The following MEGF10 variants were observed in gnomAD, a reference collection of about 807,000 sequenced individuals.
The protein encoded by MEGF10 is multiple EGF like domains 10.
A neutral mutation model predicts 147.5 loss-of-function variants in MEGF10; 86 were observed. That is an observed-to-expected ratio of 0.58 (90% CI 0.49 to 0.70). The LOEUF (loss-of-function observed/expected upper bound fraction) is 0.70, where lower values mean the gene tolerates loss of function less well. MEGF10 is among the 30% of genes least tolerant of loss of function. The probability of loss-of-function intolerance (pLI) is 0.00; values close to 1 mark genes in which losing one functional copy is unlikely to be tolerated. For missense variants in MEGF10, 1,329 were observed against 1,487.3 expected, an observed-to-expected ratio of 0.89 and a Z score of 1.75; for synonymous variants, 478 against 525.5, an observed-to-expected ratio of 0.91 and a Z score of 1.24.
chr5:127,301,074 A>G (rs1759744686), intron 1 of MEGF10, among the ~76,000 whole-genome samples: 1 of 152,152 alleles, frequency 6.6e-6, no homozygotes, highest in African/African-American at 2.4e-5. Context: ...TAATAGTGGA[A>G]TGCTTTGTTT....
chr5:127,456,602 GC>G (rs1766371675), intron 24 of MEGF10, among the ~76,000 whole-genome samples: 1 of 152,118 alleles, frequency 6.6e-6, no homozygotes, highest in Non-Finnish European at 1.5e-5. Context: ...TATTAAGACA[GC>G]TTTTTAAAAT....
In MEGF10 at chr5:127,457,392, T is replaced by A. The variant is rs186771376; in HGVS notation, c.*74T>A. 4 of 1,487,888 alleles carry A rather than the reference T, an allele frequency of 2.7e-6. No homozygotes were observed. The highest frequency in any genetic ancestry group is 4.6e-5 in the Admixed American group (2 of 43,792). The allele number at this position is 1,487,888 out of a possible 1,614,324, so 92.2% of individuals were successfully genotyped here. On this transcript the variant is annotated 3_prime_UTR_variant, in exon 25 of 25. Transcript: ENST00000503335. ...TTTGGTTCTTCTCCATCCTCAATTT[T>A]GCCACTTTCATGTGAATGTTAGTCA...
rs1358052594 is a variant in MEGF10 at position 127,345,390 on chromosome 5, T to G, written c.319+4760T>G. Among the ~76,000 whole-genome samples the G allele has an allele frequency of 3.3e-5, 5 of 152,116 alleles. No homozygotes were observed. The East Asian group carries it at 9.6e-4, about 29-fold the overall frequency. ...GAACTCCTGGTCCACAGAGCAGACT[T>G]TGACTAACAAGGCTGTCTGTCCGAA... On this transcript the variant is annotated intron_variant, in intron 4 of 24. Coordinates refer to ENST00000503335, the MANE Select transcript of MEGF10 (RefSeq NM_001256545.2).
chr5:127,451,495 T>A (rs1459202336), intron 22 of MEGF10, among the ~76,000 whole-genome samples: 2 of 152,212 alleles, frequency 1.3e-5, no homozygotes, highest in Non-Finnish European at 2.9e-5. Context: ...ATTGGTAACA[T>A]CATCTAACAT....
rs779006550 is a variant in MEGF10, at chr5:127,435,359, AGT to A, written c.1979_1980del (p.Cys660SerfsTer22). 2.5e-6 allele frequency: 4 copies of A among 1,613,888 alleles called. No homozygotes were observed. The South Asian group carries it at 4.4e-5, about 18-fold the overall frequency. On this transcript the variant is annotated splice_acceptor_variant and coding_sequence_variant, in exon 16 of 25. Transcript: ENST00000503335. LOFTEE classifies it high-confidence loss of function. ...AGTTACTGACCTATAGCTTATTCAC[AGT>A]GTGTCCCAGTGGCAGATTTGGGAAA...
intron 5 of MEGF10, among the ~76,000 whole-genome samples, chr5:127,381,099 G>A (rs1360198825): frequency 6.6e-6 from 1 of 152,178 alleles, no homozygotes; most frequent in African/African-American, 2.4e-5. Flanking sequence ...TAACAATTTT[G>A]CTATCTAAAC....
chr5:127,350,560 C>T (rs902860897), intron 4 of MEGF10, among the ~76,000 whole-genome samples: 3 of 151,946 alleles, frequency 2.0e-5, no homozygotes, highest in African/African-American at 7.3e-5. Context: ...TTCTAAGCAG[C>T]AGGCACACCG....
At chr5:127,238,029 C>CTATATATATA in the MEGF10 span, among the ~76,000 whole-genome samples, 354 of 139,090 alleles carry the variant, frequency 2.5e-3, 2 homozygotes, top group East Asian at 0.018. Context: ...AAACTTCAGA[C>CTATATATATA]TATATATATA....
chr5:127,386,834 C>T (rs1249299134), intron 5 of MEGF10, among the ~76,000 whole-genome samples: 1 of 152,188 alleles, frequency 6.6e-6, no homozygotes, highest in Non-Finnish European at 1.5e-5. Context: ...GCTGGGACAT[C>T]CCAATGTGCA....
the MEGF10 span, among the ~76,000 whole-genome samples, chr5:127,248,351 G>A: frequency 6.6e-6 from 1 of 151,932 alleles, no homozygotes; most frequent in Non-Finnish European, 1.5e-5. Flanking sequence ...TAGAGGCAAA[G>A]AACCAGGAAA....
intron 16 of MEGF10, among the ~76,000 whole-genome samples, chr5:127,436,771 G>A (rs1411220864): frequency 6.6e-6 from 1 of 152,164 alleles, no homozygotes; most frequent in East Asian, 1.9e-4. Context: ...TTTGGCAAAA[G>A]CCTTTGCTTC....
chr5:127,445,363 C>G (rs867923146), intron 19 of MEGF10, 94 bp from the exon 20 acceptor site: 4 of 839,054 alleles, frequency 4.8e-6, no homozygotes, highest in Middle Eastern at 2.6e-4. Flanking sequence ...TGAAAATATG[C>G]AGGCATTAGC....
At chr5:127,317,381 A>G (rs1176592085) in intron 1 of MEGF10, among the ~76,000 whole-genome samples, 1 of 152,206 alleles carries the variant, frequency 6.6e-6, no homozygotes, top group African/African-American at 2.4e-5. Flanking sequence ...TGTTTTAGTC[A>G]TGAAGTCTGT....
intron 1 of MEGF10, among the ~76,000 whole-genome samples, chr5:127,311,868 A>T (rs2126740414): frequency 6.6e-6 from 1 of 152,270 alleles, no homozygotes; most frequent in Middle Eastern, 3.4e-3. Context: ...TCGTTTGGTG[A>T]TGGTCTTCAA....
At chr5:127,372,884 C>CT (rs1208369924) in intron 5 of MEGF10, among the ~76,000 whole-genome samples, 2 of 152,188 alleles carry the variant, frequency 1.3e-5, no homozygotes, top group East Asian at 3.9e-4. Context: ...CCTTTCTGTA[C>CT]TCTACTCTGC....
chr5:127,260,953 G>A, the MEGF10 span, among the ~76,000 whole-genome samples: 1 of 152,140 alleles, frequency 6.6e-6, no homozygotes, highest in African/African-American at 2.4e-5. Context: ...GTAGGAACAG[G>A]AACTGTAGTG....
chr5:127,346,597 G>T (rs1245877406), intron 4 of MEGF10, among the ~76,000 whole-genome samples: 1 of 152,134 alleles, frequency 6.6e-6, no homozygotes, highest in Non-Finnish European at 1.5e-5. Context: ...GCTCCTCGTA[G>T]ATTCTGAATA....
chr5:127,443,030 C>A lies in MEGF10; in HGVS notation c.2395C>A (p.Arg799Ser). ...TTCAGGAACATATGGCTATGGCTGT[C>A]GCCAGATATGTGATTGTCTGAACAA... ...CPSGTYGYGC[R>S]QICDCLNNST... Residue 799 changes from arginine to serine, a missense_variant, in exon 19 of 25, where the codon CGC (arginine) becomes AGC (serine). By Grantham distance (110) the Arg-to-Ser change is moderately radical. This residue lies in a region of MEGF10 where 980 missense variants were observed against 1,085.9 expected (regional missense o/e 0.90). Coordinates refer to ENST00000503335, the MANE Select transcript of MEGF10 (RefSeq NM_001256545.2). 3 of 1,613,512 alleles carry A rather than the reference C, an allele frequency of 1.9e-6. No homozygotes were observed. The South Asian group carries it at 3.3e-5, about 18-fold the overall frequency.
At chr5:127,369,783 G>A in intron 4 of MEGF10, 127 bp from the exon 5 acceptor site, 1 of 654,542 alleles carries the variant, frequency 1.5e-6, no homozygotes. Context: ...GGAACGGACT[G>A]AAGAAAATTA....
Sources: allele counts gnomAD v4.1 joint callset (sites outside exome capture counted in the v4.1 genomes callset), GRCh38; gene constraint gnomAD v4.1.1; regional missense constraint gnomAD v4.1.1; transcripts MANE v1.5; gene names NCBI Gene and HGNC (gene_info 2026-07-23, HGNC 2026-07-21).